Variants in SEPTIN6 observed in about 807,000 individuals in gnomAD.
SEPTIN6 encodes septin-6.
SEPTIN6 carries 8 observed loss-of-function variants against 33.6 expected under a neutral mutation model. The ratio of observed to expected loss-of-function variants is 0.24; its 90% confidence interval spans 0.14 to 0.43. The LOEUF (loss-of-function observed/expected upper bound fraction) is 0.43, where lower values mean the gene tolerates loss of function less well. Ranked by LOEUF, SEPTIN6 falls within the 20% of genes least tolerant of loss-of-function variation. SEPTIN6 has a pLI of 1.00. For missense variants in SEPTIN6, 250 were observed against 340.8 expected (o/e 0.73, Z 2.10); for synonymous variants, 131 against 140.0 (o/e 0.94, Z 0.45).
At chrX:119,691,133 T>A (rs769280108) in intron 1 of SEPTIN6, among the ~76,000 whole-genome samples, 107 of 111,376 alleles carry the variant, frequency 9.6e-4, no homozygotes, top group African/African-American at 3.2e-3. Context: ...GCAAACCAAG[T>A]GGCCCTAAAG....
rs747637662 is a variant in SEPTIN6, at chrX:119,645,198, G to A, written c.691-4410C>T. Among the ~76,000 whole-genome samples, 10 of 105,079 alleles carry A rather than the reference G, an allele frequency of 9.5e-5. No individual in the cohort carries two copies. In the East Asian group the frequency reaches 1.8e-3, roughly 19 times the overall value. 91.2% of individuals were successfully genotyped at this position (105,079 alleles called of 115,157 possible). On this transcript the variant is annotated intron_variant, in intron 5 of 10. Transcript: ENST00000394610. ...GCTGGGATTACAGGTGTGAGCCACC[G>A]CGCCTGGCCAGGCCCAATCAATTCC... is the stretch of plus-strand genomic sequence containing the variant.
chrX:119,664,840 CAA>C (rs1199498493), intron 2 of SEPTIN6, among the ~76,000 whole-genome samples: 24 of 35,842 alleles, frequency 6.7e-4, no homozygotes, highest in Non-Finnish European at 1.2e-3. Flanking sequence ...GACTCCATCT[CAA>C]AAAAAAAAAA....
chrX:119,686,227 T>G (rs1192637507), intron 1 of SEPTIN6, among the ~76,000 whole-genome samples: 6 of 112,076 alleles, frequency 5.4e-5, no homozygotes, highest in Admixed American at 4.7e-4. Flanking sequence ...TCTTGTTTAA[T>G]GGGGATCTGA....
At chrX:119,652,658 C>T (rs73602331) in intron 4 of SEPTIN6, among the ~76,000 whole-genome samples, 196 bp downstream of exon 4, 2,130 of 111,085 alleles carry the variant, frequency 0.019, 54 homozygotes, top group African/African-American at 0.064. Flanking sequence ...TCAGGGCAAG[C>T]CCATCCCTAG....
chrX:119,657,038 G>A (rs1228866437), intron 3 of SEPTIN6, among the ~76,000 whole-genome samples: 2 of 109,013 alleles, frequency 1.8e-5, no homozygotes, highest in African/African-American at 3.3e-5. Flanking sequence ...TGCCAACACA[G>A]TGAAACCCCG....
At position 119,617,277 on chromosome X, in the gene SEPTIN6, T is replaced by G; in HGVS notation, c.*2816A>C. The G allele has an allele frequency of 1.2e-6, 1 of 805,850 alleles. No individual in the cohort carries two copies. Among genetic ancestry groups the G allele is most frequent in the Non-Finnish European group, 1.5e-6 (1 of 670,619 alleles). 66.4% of individuals were successfully genotyped at this position (805,850 alleles called of 1,213,427 possible). ...TTTAAATAGTAACAGTTGTACTAATTTAAAAGCCTTTTCATTGAAGAAGGA... is the reference window on the plus strand; with the variant it reads ...TTTAAATAGTAACAGTTGTACTAATGTAAAAGCCTTTTCATTGAAGAAGGA... On this transcript the variant is annotated 3_prime_UTR_variant, in exon 11 of 11. Transcript: ENST00000394610.
chrX:119,692,325 T>G (rs2055187574), intron 1 of SEPTIN6, among the ~76,000 whole-genome samples: 2 of 107,059 alleles, frequency 1.9e-5, no homozygotes, highest in South Asian at 4.1e-4. Context: ...GCCAGCCAAC[T>G]GCACCCCACA....
chrX:119,646,121 T>C lies in SEPTIN6; in HGVS notation c.690+3816A>G, dbSNP rs191360679. 2.5e-4 allele frequency among the ~76,000 whole-genome samples: 28 copies of C among 111,760 alleles called. 1 individual carries two copies. The East Asian group carries it at 7.3e-3, about 29-fold the overall frequency. ...TGGTTTCCTCCCAGGGTGGACAGTG[T>C]TTCCCAGTTATGTTAGTCCCCATTT... On this transcript the variant is annotated intron_variant, in intron 5 of 10. Coordinates refer to ENST00000394610, the MANE Select transcript of SEPTIN6 (RefSeq NM_145799.4).
chrX:119,640,858 C>T, intron 5 of SEPTIN6, 70 bp from the exon 6 acceptor site: 1 of 937,405 alleles, frequency 1.1e-6, no homozygotes, highest in Non-Finnish European at 1.5e-6. Flanking sequence ...AACCCAACTG[C>T]TGTTCGTCTC....
At position 119,633,366 on chromosome X, in the gene SEPTIN6, C is replaced by T. The variant is rs2054001096; in HGVS notation, c.1083G>A (p.Glu361=). The change falls in exon 8 of 11, where the codon GAG becomes GAA. Residue 361 remains glutamate (E), a synonymous_variant. Transcript: ENST00000394610. ...TCACCAGGCTCACATTTACCTCTTT[C>T]TCTGCCTCTTTGAGCTCCGCTTCTT... ...KEKEAELKEA[E]KELHEKFDRL... is the part of the protein sequence containing the mutation. The T allele has an allele frequency of 1.7e-6, 2 of 1,208,293 alleles. No homozygotes were observed. The highest frequency in any genetic ancestry group is 2.2e-6 in the Non-Finnish European group (2 of 893,738).
intron 10 of SEPTIN6, among the ~76,000 whole-genome samples, chrX:119,623,070 G>A (rs2053796302): frequency 8.9e-6 from 1 of 112,006 alleles, no homozygotes; most frequent in African/African-American, 3.2e-5. Flanking sequence ...CAAGCAGGAT[G>A]TTTTGCCAGC....
In SEPTIN6 at chrX:119,619,645, G is replaced by C; in HGVS notation, c.*448C>G. The C allele has an allele frequency of 2.3e-6, 2 of 859,279 alleles. No homozygotes were observed. Among genetic ancestry groups the C allele is most frequent in the Non-Finnish European group, 2.8e-6 (2 of 705,628 alleles). 70.8% of individuals were successfully genotyped at this position (859,279 alleles called of 1,213,427 possible). On this transcript the variant is annotated 3_prime_UTR_variant, in exon 11 of 11. Transcript: ENST00000394610. ...TGACTGGGATACAGGAGACCAAGGG[G>C]ACAGCTGTGCTGATCGGTGGTTACC...
intron 7 of SEPTIN6, among the ~76,000 whole-genome samples, chrX:119,635,622 A>G (rs1022455150): frequency 9.0e-6 from 1 of 111,651 alleles, no homozygotes; most frequent in Non-Finnish European, 1.9e-5. Context: ...TTGATATCAA[A>G]TAAGATGGAA....
At chrX:119,629,576 G>T in intron 8 of SEPTIN6, 68 bp from the exon 9 acceptor site, 1 of 1,020,488 alleles carries the variant, frequency 9.8e-7, no homozygotes, top group Non-Finnish European at 1.4e-6. Flanking sequence ...GCCAAGCCCA[G>T]GTGGGTGGGG....
chrX:119,692,935 C>T (rs1259911532), intron 1 of SEPTIN6, 141 bp downstream of exon 1: 3 of 612,197 alleles, frequency 4.9e-6, no homozygotes, highest in Non-Finnish European at 7.9e-6. Context: ...AGCTGCTGAC[C>T]CCGGGAGCAG....
chrX:119,664,942 G>A (rs1179580478), intron 2 of SEPTIN6, among the ~76,000 whole-genome samples: 1 of 109,328 alleles, frequency 9.1e-6, no homozygotes, highest in African/African-American at 3.3e-5. Context: ...CAGCCCTCTG[G>A]GGATGCCCCA....
chrX:119,616,820 G>C (rs765013561), downstream of SEPTIN6: 590 of 1,074,845 alleles, frequency 5.5e-4, no homozygotes, highest in Non-Finnish European at 6.9e-4. Flanking sequence ...ACAGGGGGAG[G>C]GGAATGGGCA....
chrX:119,626,225 G>C (rs1280009748), intron 9 of SEPTIN6, among the ~76,000 whole-genome samples: 1 of 112,066 alleles, frequency 8.9e-6, no homozygotes. Flanking sequence ...AGTAGAGAGG[G>C]GTATCTCCCT....
intron 7 of SEPTIN6, among the ~76,000 whole-genome samples, chrX:119,635,629 G>A (rs769810291): frequency 7.8e-4 from 87 of 111,553 alleles, no homozygotes; most frequent in Admixed American, 5.8e-3. Context: ...CAAATAAGAT[G>A]GAAACCAAAG....
Sources: allele counts gnomAD v4.1 joint callset (sites outside exome capture counted in the v4.1 genomes callset), GRCh38; gene constraint gnomAD v4.1.1; transcripts MANE v1.5; gene names NCBI Gene and HGNC (gene_info 2026-07-23, HGNC 2026-07-21).